The following CCDC190 variants were observed in gnomAD, a reference collection of about 807,000 sequenced individuals.
CCDC190 encodes coiled-coil domain containing 190, also known as coiled-coil domain-containing protein 190.
Under a neutral mutation model 13.1 loss-of-function variants are expected in CCDC190, and 10 were observed. That is an observed-to-expected ratio of 0.77 (90% CI 0.47 to 1.30). CCDC190 has a LOEUF of 1.30. Among genes scored for constraint, CCDC190 ranks in the 50% most tolerant of loss-of-function variants. The pLI, the probability that CCDC190 is intolerant of heterozygous loss-of-function variation, is 0.00. For missense variants in CCDC190, 375 were observed against 354.3 expected, an observed-to-expected ratio of 1.06 and a Z score of -0.47; for synonymous variants, 136 against 127.2, an observed-to-expected ratio of 1.07 and a Z score of -0.47.
Position 162,855,288 on chromosome 1 carries a change from C to T in CCDC190, c.383G>A (p.Gly128Asp). Residue 128 changes from glycine to aspartate, a missense_variant, in exon 4 of 4, where the codon GGC becomes GAC. Gly to Asp is a moderately conservative substitution (Grantham distance 94). Transcript: ENST00000367912. Reference protein sequence around the residue: ...KSQVPPSHDAGLKDPMKSKKQ... With the variant: ...KSQVPPSHDADLKDPMKSKKQ... ...TTTGCTCTTCATGGGGTCTTTGAGG[C>T]CAGCATCATGTGAAGGAGGCACCTG... 1.2e-6 allele frequency: 2 copies of T among 1,613,640 alleles called. No individual in the cohort carries two copies. Among genetic ancestry groups the T allele is most frequent in the Non-Finnish European group, 1.7e-6 (2 of 1,179,848 alleles).
chr1:162,867,390 CT>C (rs1650744924), intron 1 of CCDC190, among the ~76,000 whole-genome samples: 1 of 152,094 alleles, frequency 6.6e-6, no homozygotes, highest in African/African-American at 2.4e-5. Flanking sequence ...CGAGGTAACC[CT>C]TTTTACCGTT....
upstream of CCDC190, among the ~76,000 whole-genome samples, chr1:162,863,745 G>A (rs2343496): frequency 0.81 from 122,597 of 152,094 alleles, 51,664 homozygotes; most frequent in Non-Finnish European, 0.94. Flanking sequence ...ATGAGGCCGG[G>A]CGCAGTGGCT....
In CCDC190 at chr1:162,852,859, A is replaced by G; in HGVS notation, c.*1906T>C. 1 of 487,926 alleles carries G rather than the reference A, an allele frequency of 2.0e-6. No individual in the cohort carries two copies. Among genetic ancestry groups the G allele is most frequent in the East Asian group, 3.4e-5 (1 of 29,084 alleles). The allele number at this position is 487,926 out of a possible 1,614,324, so 30.2% of individuals were successfully genotyped here. On this transcript the variant is annotated 3_prime_UTR_variant, in exon 4 of 4. Coordinates refer to ENST00000367912, the MANE Select transcript of CCDC190 (RefSeq NM_001394065.1). ...GTGACAAACCATTCACTCAGGACTC[A>G]GCCTTGAGGGAGAATTGTGATGACG...
rs1650211341 is a variant in CCDC190, at chr1:162,854,395, G to C, written c.*370C>G. 9.7e-7 allele frequency: 1 copy of C among 1,031,848 alleles called. No individual in the cohort carries two copies. Among genetic ancestry groups the C allele is most frequent in the South Asian group, 3.9e-5 (1 of 25,872 alleles). The allele number at this position is 1,031,848 out of a possible 1,614,324, so 63.9% of individuals were successfully genotyped here. ...CTACTATATATCAAACTAAAACAGA[G>C]AGAATAGCTATGCCGTTTTGCCAGC... On this transcript the variant is annotated 3_prime_UTR_variant, in exon 4 of 4. Transcript: ENST00000367912.
Position 162,852,389 on chromosome 1 carries a change from A to G in CCDC190, c.*2376T>C, listed in dbSNP as rs1317144616. The G allele has an allele frequency of 1.3e-5, 2 of 152,250 alleles. No homozygotes were observed. The highest frequency in any genetic ancestry group is 4.8e-5 in the African/African-American group (2 of 41,464). 9.4% of individuals were successfully genotyped at this position (152,250 alleles called of 1,614,324 possible). ...ACCGTGTGCCACGTCAGGATTAAGG[A>G]TTTAAACTGTTTAGAATTTAATGAG... On this transcript the variant is annotated 3_prime_UTR_variant, in exon 4 of 4. Transcript: ENST00000367912.
At chr1:162,861,874 A>T (rs1200837010), upstream of CCDC190, among the ~76,000 whole-genome samples, 8 of 152,122 alleles carry the variant, frequency 5.3e-5, no homozygotes, top group African/African-American at 1.7e-4. Flanking sequence ...GGGCCTGATA[A>T]TCCCCCCAGA....
chr1:162,854,457 A>G lies in CCDC190; in HGVS notation c.*308T>C. Reference sequence around the variant, plus strand: ...TGAGAATCTCCTAGAGGAAACAGGAAGTCCCTGAAAGCAAGACTGTTACTG... The same window carrying G: ...TGAGAATCTCCTAGAGGAAACAGGAGGTCCCTGAAAGCAAGACTGTTACTG... On this transcript the variant is annotated 3_prime_UTR_variant, in exon 4 of 4. Transcript: ENST00000367912. 1.8e-6 allele frequency: 2 copies of G among 1,094,382 alleles called. No individual in the cohort carries two copies. The highest frequency in any genetic ancestry group is 6.6e-5 in the South Asian group (2 of 30,188). 67.8% of individuals were successfully genotyped at this position (1,094,382 alleles called of 1,614,324 possible).
At chr1:162,861,974 G>T (rs1828374), upstream of CCDC190, among the ~76,000 whole-genome samples, 1 of 151,782 alleles carries the variant, frequency 6.6e-6, no homozygotes, top group Non-Finnish European at 1.5e-5. Flanking sequence ...ACGAGGGGTG[G>T]CAGGGAGGAA....
chr1:162,855,156 T>C lies in CCDC190; in HGVS notation c.515A>G (p.Lys172Arg). 1 of 1,614,008 alleles carries C rather than the reference T, an allele frequency of 6.2e-7. No individual in the cohort carries two copies. The highest frequency in any genetic ancestry group is 8.5e-7 in the Non-Finnish European group (1 of 1,179,884). Reference protein sequence around the residue: ...VNPSKDVDPSKGISVPCQNQE... With the variant: ...VNPSKDVDPSRGISVPCQNQE... The stretch of plus-strand genomic sequence containing the variant: ...ATTTTGGCATGGAACAGAGATGCCC[T>C]TGCTGGGGTCTACGTCCTTAGATGG... The change falls in exon 4 of 4, where the codon AAG becomes AGG. Residue 172 changes from lysine to arginine, a missense_variant. Transcript: ENST00000367912.
chr1:162,865,140 A>T (rs958667221), upstream of CCDC190, among the ~76,000 whole-genome samples: 1 of 152,174 alleles, frequency 6.6e-6, no homozygotes, highest in South Asian at 2.1e-4. Context: ...TAGTATTCAG[A>T]GCCAATAATA....
Position 162,859,620 on chromosome 1 carries a change from T to C in CCDC190, c.27A>G (p.Gln9=). 1.2e-6 allele frequency: 2 copies of C among 1,613,806 alleles called. No individual in the cohort carries two copies. Among genetic ancestry groups the C allele is most frequent in the Non-Finnish European group, 1.7e-6 (2 of 1,179,814 alleles). MERHMVRG[Q]LYKHFDLERK... The stretch of plus-strand genomic sequence containing the variant: ...TCTCCAAATCAAAATGCTTATACAA[T>C]TGTCCCCTGACCATGTGCCTCTCCA... Residue 9 remains glutamine (Q), a synonymous_variant, in exon 2 of 4, where the codon CAA becomes CAG. Transcript: ENST00000367912.
At chr1:162,861,686 C>G (rs1650524247), upstream of CCDC190, among the ~76,000 whole-genome samples, 1 of 152,158 alleles carries the variant, frequency 6.6e-6, no homozygotes, top group African/African-American at 2.4e-5. Flanking sequence ...CAGCACTAAG[C>G]AAAGTAAAAT....
At position 162,854,251 on chromosome 1, in the gene CCDC190, T is replaced by C; in HGVS notation, c.*514A>G. ...GTGAAAACTAAAATGGAGCTATCTG[T>C]AAATAAAGGAAGGAAGGAAAGGGCT... On this transcript the variant is annotated 3_prime_UTR_variant, in exon 4 of 4. Coordinates refer to ENST00000367912, the MANE Select transcript of CCDC190 (RefSeq NM_001394065.1). 1 of 985,562 alleles carries C rather than the reference T, an allele frequency of 1.0e-6. No individual in the cohort carries two copies. The highest frequency in any genetic ancestry group is 1.2e-6 in the Non-Finnish European group (1 of 830,050). 61.1% of individuals were successfully genotyped at this position (985,562 alleles called of 1,614,324 possible).
upstream of CCDC190, among the ~76,000 whole-genome samples, chr1:162,864,561 G>A (rs188965852): frequency 1.4e-3 from 210 of 152,238 alleles, 1 homozygote; most frequent in African/African-American, 4.9e-3. Context: ...GAGATTTACA[G>A]CATGTAAACA....
At chr1:162,859,068 T>C (rs1007720910) in intron 2 of CCDC190, among the ~76,000 whole-genome samples, 4 of 152,178 alleles carry the variant, frequency 2.6e-5, no homozygotes, top group Admixed American at 2.6e-4. Context: ...AACTGCTCAA[T>C]AAATTGTTGT....
At position 162,855,292 on chromosome 1, in the gene CCDC190, C is replaced by A. The variant is rs775343219; in HGVS notation, c.379G>T (p.Ala127Ser). 1 of 1,613,648 alleles carries A rather than the reference C, an allele frequency of 6.2e-7. No individual in the cohort carries two copies. Among genetic ancestry groups the A allele is most frequent in the African/African-American group, 1.3e-5 (1 of 75,036 alleles). ...CTCTTCATGGGGTCTTTGAGGCCAG[C>A]ATCATGTGAAGGAGGCACCTGGGAC... The part of the protein sequence containing the change: ...SKSQVPPSHD[A>S]GLKDPMKSKK... Residue 127 changes from alanine to serine, a missense_variant, in exon 4 of 4, where the codon GCT becomes TCT. By Grantham distance (99) the Ala-to-Ser change is moderately conservative. Coordinates refer to ENST00000367912, the MANE Select transcript of CCDC190 (RefSeq NM_001394065.1).
chr1:162,857,782 C>T (rs942180931), intron 2 of CCDC190, among the ~76,000 whole-genome samples: 6 of 152,112 alleles, frequency 3.9e-5, no homozygotes, highest in East Asian at 1.9e-4. Context: ...TTTTTATAAG[C>T]GGAACTACTG....
In CCDC190 at chr1:162,854,902, A is replaced by G; in HGVS notation, c.769T>C (p.Tyr257His). 1 of 1,614,040 alleles carries G rather than the reference A, an allele frequency of 6.2e-7. No individual in the cohort carries two copies. Among genetic ancestry groups the G allele is most frequent in the Non-Finnish European group, 8.5e-7 (1 of 1,179,892 alleles). Residue 257 changes from tyrosine to histidine, a missense_variant, in exon 4 of 4, where the codon TAT becomes CAT. Coordinates refer to ENST00000367912, the MANE Select transcript of CCDC190 (RefSeq NM_001394065.1). The stretch of plus-strand genomic sequence containing the variant: ...TCAGGGGGGACCCTGTGCCGGAGAT[A>G]ATGGGCATTTCTGGCCTTTGAAAGC... The part of the protein sequence containing the change: ...ELLSKARNAH[Y>H]LRHRVPPESE...
At chr1:162,864,768 A>G (rs1384612919), upstream of CCDC190, among the ~76,000 whole-genome samples, 1 of 152,142 alleles carries the variant, frequency 6.6e-6, no homozygotes. Flanking sequence ...ATCAACAAGT[A>G]AGATAAAATT....
Sources: allele counts gnomAD v4.1 joint callset (sites outside exome capture counted in the v4.1 genomes callset), GRCh38; gene constraint gnomAD v4.1.1; transcripts MANE v1.5; gene names NCBI Gene and HGNC (gene_info 2026-07-23, HGNC 2026-07-21).